FBLN2: variants seen among roughly 807,000 people sequenced by gnomAD.
The protein encoded by FBLN2 is fibulin 2.
Under a neutral mutation model 123.7 loss-of-function variants are expected in FBLN2, and 81 were observed. The observed-to-expected ratio is 0.65, with a 90% CI of 0.55 to 0.79. The LOEUF (loss-of-function observed/expected upper bound fraction) is 0.79, where lower values mean the gene tolerates loss of function less well. Ranked by LOEUF, FBLN2 falls within the 30% of genes least tolerant of loss-of-function variation. The pLI is 0.00. For missense variants in FBLN2, 1,603 were observed against 1,681.3 expected, an observed-to-expected ratio of 0.95 and a Z score of 0.81; for synonymous variants, 699 against 701.4, an observed-to-expected ratio of 1.00 and a Z score of 0.05.
At chr3:13,627,147 G>C (rs1005139550) in intron 10 of FBLN2, among the ~76,000 whole-genome samples, 5 of 151,964 alleles carry the variant, frequency 3.3e-5, no homozygotes, top group Non-Finnish European at 7.4e-5. Flanking sequence ...CCCTGTAAGT[G>C]GTGGGTTCAA....
chr3:13,628,798 C>T, intron 11 of FBLN2, 107 bp from the exon 12 acceptor site: 1 of 1,316,854 alleles, frequency 7.6e-7, no homozygotes, highest in African/African-American at 1.5e-5. Flanking sequence ...CTGACCAGGG[C>T]AGGTCTGGAG....
intron 16 of FBLN2, among the ~76,000 whole-genome samples, chr3:13,634,645 G>T (rs958723133): frequency 6.6e-6 from 1 of 152,244 alleles, no homozygotes; most frequent in African/African-American, 2.4e-5. Context: ...TACCCTGCCT[G>T]GCCTCTTGCC....
chr3:13,627,791 A>G, intron 10 of FBLN2, 41 bp from the exon 11 acceptor site: 1 of 1,587,104 alleles, frequency 6.3e-7, no homozygotes. Context: ...TAAAGGCAGG[A>G]CCTGCCCCCC....
chr3:13,596,628 G>A (rs1204968183), intron 2 of FBLN2, among the ~76,000 whole-genome samples: 2 of 151,916 alleles, frequency 1.3e-5, no homozygotes, highest in African/African-American at 2.4e-5. Flanking sequence ...CATCCACCTC[G>A]TTGTGCAGCT....
At position 13,570,614 on chromosome 3, in the gene FBLN2, C is replaced by G; in HGVS notation, c.259C>G (p.Gln87Glu). 1 of 1,580,056 alleles carries G rather than the reference C, an allele frequency of 6.3e-7. No homozygotes were observed. The highest frequency in any genetic ancestry group is 8.6e-7 in the Non-Finnish European group (1 of 1,164,176). The change falls in exon 2 of 18, where the codon CAG (glutamine) becomes GAG (glutamate). Residue 87 changes from glutamine (Q) to glutamate (E), a missense_variant. Coordinates refer to ENST00000404922, the MANE Select transcript of FBLN2 (RefSeq NM_001004019.2). ...CGTGCGCGGCCGCGTGCCCGCCGGT[C>G]AGTCCTATTTTGTGGACTTCGGGAG... ...GFVRGRVPAG[Q>E]SYFVDFGSTE...
intron 1 of FBLN2, among the ~76,000 whole-genome samples, chr3:13,556,937 C>T (rs1476654284): frequency 6.6e-6 from 1 of 152,248 alleles, no homozygotes; most frequent in Non-Finnish European, 1.5e-5. Context: ...CCAGGACTCC[C>T]TCACGCCCCA....
chr3:13,557,582 A>G (rs908173373), intron 1 of FBLN2, among the ~76,000 whole-genome samples: 2 of 152,210 alleles, frequency 1.3e-5, no homozygotes, highest in African/African-American at 4.8e-5. Flanking sequence ...GTGCCCCAGC[A>G]GCTCCAGGCT....
chr3:13,600,735 C>T (rs1180432383), intron 2 of FBLN2, among the ~76,000 whole-genome samples: 1 of 151,816 alleles, frequency 6.6e-6, no homozygotes, highest in Middle Eastern at 3.2e-3. Flanking sequence ...CCTGCCTCAG[C>T]CTCCCAAGTA....
intron 1 of FBLN2, among the ~76,000 whole-genome samples, chr3:13,549,740 G>C (rs943967926): frequency 6.6e-6 from 1 of 151,428 alleles, no homozygotes; most frequent in Non-Finnish European, 1.5e-5. Flanking sequence ...GTTTCTGCAC[G>C]CTCTGCATTG....
chr3:13,590,830 C>T (rs1034240330), intron 2 of FBLN2, among the ~76,000 whole-genome samples: 4 of 152,174 alleles, frequency 2.6e-5, no homozygotes, highest in Non-Finnish European at 4.4e-5. Flanking sequence ...GTTTTAGTGT[C>T]GATGGACATT....
chr3:13,636,682 CCT>C, intron 17 of FBLN2, 114 bp downstream of exon 17: 1 of 1,292,466 alleles, frequency 7.7e-7, no homozygotes, highest in Non-Finnish European at 1.1e-6. Context: ...CGTCCCAGCC[CCT>C]GACTGCTGGG....
intron 2 of FBLN2, among the ~76,000 whole-genome samples, chr3:13,591,113 G>T (rs1704660903): frequency 1.3e-5 from 2 of 152,236 alleles, no homozygotes; most frequent in Non-Finnish European, 1.5e-5. Flanking sequence ...AGGATGTGCA[G>T]TAATAGCTCA....
intron 2 of FBLN2, among the ~76,000 whole-genome samples, chr3:13,605,594 C>A (rs3852035): frequency 2.1e-4 from 32 of 152,084 alleles, no homozygotes; most frequent in Non-Finnish European, 3.5e-4. Context: ...TTTCCTCATC[C>A]TCCCCCCCAG....
chr3:13,577,537 CA>C (rs1247909614), intron 2 of FBLN2, among the ~76,000 whole-genome samples: 1 of 152,174 alleles, frequency 6.6e-6, no homozygotes, highest in African/African-American at 2.4e-5. Context: ...GGGTGTTGAA[CA>C]AAGGGGTGAC....
intron 1 of FBLN2, among the ~76,000 whole-genome samples, chr3:13,564,416 A>G (rs974408709): frequency 6.6e-6 from 1 of 152,234 alleles, no homozygotes; most frequent in African/African-American, 2.4e-5. Flanking sequence ...AAAATTTTAA[A>G]GCCATACTGG....
rs113436041 is a variant in FBLN2 at position 13,637,568 on chromosome 3, C to T, written c.3345C>T (p.Cys1115=). Residue 1115 remains cysteine, a synonymous_variant, in exon 18 of 18, where the codon TGC becomes TGT. Coordinates refer to ENST00000404922, the MANE Select transcript of FBLN2 (RefSeq NM_001004019.2). The stretch of plus-strand genomic sequence containing the variant: ...CGGCCTATCCTCCCTGCAGGAAGTG[C>T]GAGCGCACCACGTGCCATGACTTCC... The part of the protein sequence containing the change: ...PNYVQVSKTK[C]ERTTCHDFLE... 73 of 1,602,764 alleles carry T rather than the reference C, an allele frequency of 4.6e-5. No homozygotes were observed. The Admixed American group carries it at 8.4e-4, about 18-fold the overall frequency.
At chr3:13,588,699 G>GA (rs1438890928) in intron 2 of FBLN2, among the ~76,000 whole-genome samples, 1 of 152,160 alleles carries the variant, frequency 6.6e-6, no homozygotes, top group Non-Finnish European at 1.5e-5. Context: ...ACTTCTAAGA[G>GA]AAAAAAAGAT....
At chr3:13,599,520 C>T (rs1219421673) in intron 2 of FBLN2, among the ~76,000 whole-genome samples, 4 of 151,888 alleles carry the variant, frequency 2.6e-5, no homozygotes, top group African/African-American at 7.3e-5. Flanking sequence ...GGGTCATAGG[C>T]GCAGGAGTGA....
At chr3:13,585,324 C>T (rs1704462212) in intron 2 of FBLN2, among the ~76,000 whole-genome samples, 1 of 152,072 alleles carries the variant, frequency 6.6e-6, no homozygotes, top group South Asian at 2.1e-4. Flanking sequence ...TTTGAGTGTG[C>T]AGAGTGGCCA....
Sources: gnomAD v4.1 joint callset for allele counts (sites outside exome capture counted in the v4.1 genomes callset) on GRCh38, gnomAD v4.1.1 for gene constraint, MANE v1.5 for transcripts, NCBI Gene and HGNC (gene_info 2026-07-23, HGNC 2026-07-21) for gene names.